USP43: variants seen among roughly 807,000 people sequenced by gnomAD.
USP43 encodes the protein ubiquitin specific peptidase 43.
Under a neutral mutation model 90.7 loss-of-function variants are expected in USP43, and 33 were observed. The ratio of observed to expected loss-of-function variants is 0.36; its 90% CI spans 0.28 to 0.49. The LOEUF (loss-of-function observed/expected upper bound fraction) is 0.49, where lower values mean the gene tolerates loss of function less well. USP43 is among the 20% of genes least tolerant of loss of function. USP43 has a pLI of 0.98. For missense variants in USP43, 1,274 were observed against 1,476.4 expected (o/e 0.86, Z 2.25); for synonymous variants, 598 against 615.8 (o/e 0.97, Z 0.43).
At chr17:9,657,530 A>G (rs1337355712) in intron 2 of USP43, among the ~76,000 whole-genome samples, 1 of 152,068 alleles carries the variant, frequency 6.6e-6, no homozygotes, top group Non-Finnish European at 1.5e-5. Flanking sequence ...AAAAGGAGAC[A>G]TACCTGAGAC....
At chr17:9,700,098 A>G (rs1597867706) in intron 9 of USP43, 74 bp from the exon 10 acceptor site, 1 of 1,363,666 alleles carries the variant, frequency 7.3e-7, no homozygotes, top group Admixed American at 2.1e-5. Context: ...GTTGTGGGGG[A>G]GACTGCTGAG....
chr17:9,715,683 G>A (rs1002413327), intron 14 of USP43, among the ~76,000 whole-genome samples: 2 of 143,840 alleles, frequency 1.4e-5, no homozygotes, highest in Middle Eastern at 3.5e-3. Flanking sequence ...GTGTGTCTGT[G>A]TGTATGTGTG....
In USP43 at chr17:9,728,689, C is replaced by A; in HGVS notation, c.3071C>A (p.Ser1024Tyr). The A allele has an allele frequency of 6.2e-7, 1 of 1,612,236 alleles. No individual in the cohort carries two copies. Residue 1024 changes from serine to tyrosine, a missense_variant, in exon 15 of 15, where the codon TCC (serine) becomes TAC (tyrosine). Around this residue, in one of 6 missense-constraint regions of USP43, gnomAD observed 353 missense variants for 329.7 expected, o/e 1.07. Transcript: ENST00000285199. The surrounding 1 kb of genome is among the most constrained non-coding windows in gnomAD (Gnocchi z 6.2). ...AEVSPQVPPVSLVSGGLSPAM... is the reference protein window; with the variant it reads ...AEVSPQVPPVYLVSGGLSPAM... ...GTCTCTCCACAGGTGCCCCCCGTCT[C>A]CCTGGTGAGTGGCGGGCTGAGCCCT... is the stretch of plus-strand genomic sequence containing the variant.
Position 9,686,811 on chromosome 17 carries a change from T to G in USP43, c.1255T>G (p.Phe419Val). 6.2e-7 allele frequency: 1 copy of G among 1,613,964 alleles called. No homozygotes were observed. The change falls in exon 8 of 15, where the codon TTC (phenylalanine) becomes GTC (valine). Residue 419 changes from phenylalanine to valine, a missense_variant. By Grantham distance (50) the Phe-to-Val change is conservative. Transcript: ENST00000285199. The surrounding 1 kb of genome is among the most constrained non-coding windows in gnomAD (Gnocchi z 5.5). ...TTGGATTTTCAGGTTTGGGCCACCC[T>G]TCCTGATAAGGGAAGACAGAGCTGT... ...GQQASRFGPP[F>V]LIREDRAVSW...
chr17:9,666,874 T>C, intron 3 of USP43, 123 bp downstream of exon 3: 1 of 726,026 alleles, frequency 1.4e-6, no homozygotes, highest in Non-Finnish European at 2.4e-6. Context: ...CAAACACCCT[T>C]CTCTCTCCCA....
At chr17:9,698,864 A>G (rs375958411) in intron 9 of USP43, among the ~76,000 whole-genome samples, 1 of 152,228 alleles carries the variant, frequency 6.6e-6, no homozygotes, top group African/African-American at 2.4e-5. Context: ...ATGTGAGTCC[A>G]ATTTGGGCTT....
chr17:9,674,534 A>G lies in USP43; in HGVS notation c.741-357A>G, dbSNP rs1179271775. Among the ~76,000 whole-genome samples, 2 of 152,116 alleles carry G rather than the reference A, an allele frequency of 1.3e-5. No individual in the cohort carries two copies. Among genetic ancestry groups the G allele is most frequent in the Non-Finnish European group, 2.9e-5 (2 of 68,032 alleles). On this transcript the variant is annotated intron_variant, in intron 3 of 14. Transcript: ENST00000285199. This position sits in a 1 kb window ranked among gnomAD's most constrained non-coding sequence, Gnocchi z 4.4. ...GGGATCGTACAATATGTGGGCTTTC[A>G]TGTCTGGCTTCTTTCACTTAGCGTG...
intron 9 of USP43, among the ~76,000 whole-genome samples, chr17:9,694,995 T>C (rs889245154): frequency 6.6e-6 from 1 of 152,184 alleles, no homozygotes; most frequent in African/African-American, 2.4e-5. Flanking sequence ...TCTTTTACCA[T>C]AGGTAGTTTG....
chr17:9,720,759 A>G (rs1916909284), intron 14 of USP43, among the ~76,000 whole-genome samples: 1 of 152,138 alleles, frequency 6.6e-6, no homozygotes, highest in African/African-American at 2.4e-5. Context: ...CAGTGCTGGG[A>G]TTACAGGTGT....
intron 5 of USP43, among the ~76,000 whole-genome samples, chr17:9,679,882 C>T (rs964677024): frequency 1.3e-5 from 2 of 151,998 alleles, no homozygotes; most frequent in East Asian, 1.9e-4. Flanking sequence ...TATGCAATCA[C>T]GTGAAAAAGG....
At chr17:9,727,932 A>G in intron 14 of USP43, 22 bp from the exon 15 acceptor site, 1 of 1,581,898 alleles carries the variant, frequency 6.3e-7, no homozygotes, top group South Asian at 1.1e-5. Context: ...TTGTACACTG[A>G]CAGTCTCTCT....
intron 14 of USP43, among the ~76,000 whole-genome samples, chr17:9,723,054 A>G (rs1051419777): frequency 6.6e-6 from 1 of 152,064 alleles, no homozygotes; most frequent in African/African-American, 2.4e-5. Flanking sequence ...CCCAGCCACA[A>G]ATATTTCCTT....
At position 9,693,442 on chromosome 17, in the gene USP43, TG is replaced by T. The variant is rs1473094351; in HGVS notation, c.1457+219del. 4.6e-5 allele frequency among the ~76,000 whole-genome samples: 7 copies of T among 152,226 alleles called. No individual in the cohort carries two copies. The Middle Eastern group carries it at 0.014, about 296-fold the overall frequency. On this transcript the variant is annotated intron_variant, in intron 9 of 14. Transcript: ENST00000285199. ...GGCACTATTATGTCCGCTTCAAAGA[TG>T]GGGGGGACACCAACGTTCTCAGAGG...
intron 8 of USP43, among the ~76,000 whole-genome samples, chr17:9,688,323 C>T (rs917833531): frequency 2.0e-5 from 3 of 150,316 alleles, no homozygotes; most frequent in African/African-American, 7.4e-5. Flanking sequence ...TTAACTCAGC[C>T]ATCCTTACTC....
At chr17:9,716,910 A>C (rs59421872) in intron 14 of USP43, among the ~76,000 whole-genome samples, 20,629 of 152,124 alleles carry the variant, frequency 0.14, 2,308 homozygotes, top group African/African-American at 0.31. Flanking sequence ...CCGAGGTGGG[A>C]GGATCACCTG....
intron 14 of USP43, among the ~76,000 whole-genome samples, chr17:9,713,229 C>T (rs1031316731): frequency 1.8e-4 from 27 of 152,066 alleles, no homozygotes; most frequent in African/African-American, 5.6e-4. Context: ...GCTGGGATTA[C>T]AGGCGCCTGC....
intron 1 of USP43, among the ~76,000 whole-genome samples, chr17:9,650,734 C>T (rs558279144): frequency 1.3e-5 from 2 of 152,246 alleles, no homozygotes; most frequent in South Asian, 4.2e-4. Flanking sequence ...ACGATCTATT[C>T]CCTTGGCAAT....
chr17:9,645,543 C>T lies in USP43; in HGVS notation c.-90C>T. The stretch of plus-strand genomic sequence containing the variant: ...CACCTGGCCCGCAGGTAGCCGGCAC[C>T]AGGAGCCTTAGAGAAGCTGTAGGGC... On this transcript the variant is annotated 5_prime_UTR_variant, in exon 1 of 15. Coordinates refer to ENST00000285199, the MANE Select transcript of USP43 (RefSeq NM_153210.5). This position sits in a 1 kb window ranked among gnomAD's most constrained non-coding sequence, Gnocchi z 6.8. 1 of 1,125,480 alleles carries T rather than the reference C, an allele frequency of 8.9e-7. No homozygotes were observed. Among genetic ancestry groups the T allele is most frequent in the African/African-American group, 1.6e-5 (1 of 61,044 alleles). 69.7% of individuals were successfully genotyped at this position (1,125,480 alleles called of 1,614,324 possible). A position where few individuals can be genotyped will look rare whatever the true frequency, so the allele number is the denominator to read the frequency against.
rs750790245 is a variant in USP43 at position 9,686,940 on chromosome 17, T to C, written c.1353+31T>C. 1.4e-5 allele frequency: 22 copies of C among 1,548,868 alleles called. No homozygotes were observed. In the South Asian group the frequency reaches 2.0e-4, roughly 14 times the overall value. ...TGGTGTGCATGCGTGTGTGTGTGTG[T>C]GCGTGCATGCGCATGTGCATGCGTG... On this transcript the variant is annotated intron_variant, in intron 8 of 14. Transcript: ENST00000285199. This position sits in a 1 kb window ranked among gnomAD's most constrained non-coding sequence, Gnocchi z 5.5.
Sources: allele counts gnomAD v4.1 joint callset (sites outside exome capture counted in the v4.1 genomes callset), GRCh38; gene constraint gnomAD v4.1.1; regional missense constraint gnomAD v4.1.1; non-coding constraint Gnocchi (gnomAD v3.1); transcripts MANE v1.5; gene names NCBI Gene and HGNC (gene_info 2026-07-23, HGNC 2026-07-21).